The following DACH1 variants were observed in gnomAD, a reference collection of about 807,000 sequenced individuals.
The protein encoded by DACH1 is dachshund homolog 1.
DACH1 carries 12 observed loss-of-function variants against 54.2 expected under a neutral mutation model. That is an observed-to-expected ratio of 0.22 (90% confidence interval 0.14 to 0.36). The LOEUF is 0.36. Ranked by LOEUF, DACH1 falls within the 10% of genes least tolerant of loss-of-function variation. The probability of loss-of-function intolerance (pLI) is 1.00; values close to 1 mark genes in which losing one functional copy is unlikely to be tolerated. For synonymous variants in DACH1, 386 were observed against 366.2 expected, an observed-to-expected ratio of 1.05 and a Z score of -0.62; for missense variants, 805 against 929.8, an observed-to-expected ratio of 0.87 and a Z score of 1.75.
chr13:71,634,026 G>T (rs1877296733), intron 2 of DACH1, among the ~76,000 whole-genome samples: 1 of 149,378 alleles, frequency 6.7e-6, no homozygotes, highest in Non-Finnish European at 1.5e-5. Context: ...AGGCTGGAGT[G>T]CAATGGCGTG....
At chr13:71,590,554 A>G (rs368013607) in intron 3 of DACH1, among the ~76,000 whole-genome samples, 78 of 152,242 alleles carry the variant, frequency 5.1e-4, no homozygotes, top group African/African-American at 1.8e-3. Flanking sequence ...TGAAGGATAC[A>G]TTTTCATATT....
At chr13:71,737,541 T>C (rs1884193211) in intron 1 of DACH1, among the ~76,000 whole-genome samples, 1 of 152,206 alleles carries the variant, frequency 6.6e-6, no homozygotes, top group South Asian at 2.1e-4. Flanking sequence ...TGGAAATAGT[T>C]TGGAAACCAT....
intron 1 of DACH1, among the ~76,000 whole-genome samples, chr13:71,706,553 A>G (rs1225182622): frequency 1.3e-5 from 2 of 152,120 alleles, no homozygotes; most frequent in African/African-American, 4.8e-5. Context: ...CATTCTTTTC[A>G]AGCACTGGCT....
chr13:71,717,867 T>C (rs1018666920), intron 1 of DACH1, among the ~76,000 whole-genome samples: 1 of 151,830 alleles, frequency 6.6e-6, no homozygotes, highest in Non-Finnish European at 1.5e-5. Context: ...CAATATGGAA[T>C]TAGTAGTCCA....
intron 1 of DACH1, among the ~76,000 whole-genome samples, chr13:71,755,686 A>G (rs957388334): frequency 1.6e-4 from 25 of 152,212 alleles, no homozygotes; most frequent in Non-Finnish European, 2.1e-4. Context: ...TAGATCTTTA[A>G]GAACATGGGA....
chr13:71,618,811 A>T (rs1458138299), intron 3 of DACH1, among the ~76,000 whole-genome samples: 1 of 151,914 alleles, frequency 6.6e-6, no homozygotes, highest in East Asian at 1.9e-4. Flanking sequence ...TTTATTGATG[A>T]TCCCTGAATC....
intron 3 of DACH1, among the ~76,000 whole-genome samples, chr13:71,574,317 T>C (rs1230268809): frequency 6.6e-6 from 1 of 152,148 alleles, no homozygotes; most frequent in Non-Finnish European, 1.5e-5. Context: ...AATTTAACAT[T>C]AATTTATTCC....
intron 1 of DACH1, among the ~76,000 whole-genome samples, chr13:71,760,872 A>C (rs950452255): frequency 6.6e-6 from 1 of 152,144 alleles, no homozygotes; most frequent in Non-Finnish European, 1.5e-5. Context: ...ACATTCCACT[A>C]TAACTTTTCT....
rs146438762 is a variant in DACH1 at position 71,561,774 on chromosome 13, C to A, written c.1300-1819G>T. ...ATTTTAATATGGAACCAAGATTGAG[C>A]TGTACTTTTGTCACACTCTTTTAAT... On this transcript the variant is annotated intron_variant, in intron 4 of 10. Transcript: ENST00000613252. 2.0e-3 allele frequency among the ~76,000 whole-genome samples: 304 copies of A among 152,096 alleles called. 2 individuals are homozygous for A. Among genetic ancestry groups the A allele is most frequent in the African/African-American group, 6.9e-3 (285 of 41,520 alleles).
intron 1 of DACH1, among the ~76,000 whole-genome samples, chr13:71,763,722 T>C (rs563662282): frequency 6.6e-6 from 1 of 152,340 alleles, no homozygotes; most frequent in East Asian, 1.9e-4. Context: ...ACAGAAGATT[T>C]CATTTGCAAT....
intron 1 of DACH1, among the ~76,000 whole-genome samples, chr13:71,767,684 G>T (rs577716539): frequency 1.1e-3 from 160 of 152,138 alleles, no homozygotes; most frequent in African/African-American, 3.7e-3. Context: ...GTTATTTATG[G>T]CTCAGATGCA....
At chr13:71,837,097 G>A (rs536267744) in intron 1 of DACH1, among the ~76,000 whole-genome samples, 1 of 151,850 alleles carries the variant, frequency 6.6e-6, no homozygotes, top group Admixed American at 6.6e-5. Flanking sequence ...GATTAAGGGG[G>A]AAATGAAAAT....
chr13:71,653,505 A>C (rs2138629203), intron 2 of DACH1, among the ~76,000 whole-genome samples: 1 of 152,316 alleles, frequency 6.6e-6, no homozygotes, highest in Non-Finnish European at 1.5e-5. Flanking sequence ...CATGTCTCTA[A>C]GGCTTTTACC....
intron 2 of DACH1, among the ~76,000 whole-genome samples, chr13:71,664,142 C>A (rs2138659908): frequency 6.6e-6 from 1 of 152,078 alleles, no homozygotes; most frequent in Middle Eastern, 3.4e-3. Context: ...TACTTTCTCA[C>A]CACTAGAATT....
chr13:71,607,036 G>C (rs1874930186), intron 3 of DACH1, among the ~76,000 whole-genome samples: 3 of 151,928 alleles, frequency 2.0e-5, no homozygotes, highest in Admixed American at 6.6e-5. Context: ...TCTTTCAAAA[G>C]GTTTGTGGTT....
chr13:71,449,719 TA>T (rs1354062618), intron 10 of DACH1, among the ~76,000 whole-genome samples: 1 of 152,090 alleles, frequency 6.6e-6, no homozygotes, highest in Non-Finnish European at 1.5e-5. Context: ...AAAATTTTTT[TA>T]AAAAAGGCTG....
chr13:71,531,127 A>G (rs1168502090), intron 6 of DACH1, among the ~76,000 whole-genome samples: 1 of 152,166 alleles, frequency 6.6e-6, no homozygotes, highest in Non-Finnish European at 1.5e-5. Context: ...AACAACAGGA[A>G]TTCTGTCAAT....
At chr13:71,570,766 T>C (rs1009959632) in intron 4 of DACH1, among the ~76,000 whole-genome samples, 12 of 152,146 alleles carry the variant, frequency 7.9e-5, no homozygotes, top group African/African-American at 2.9e-4. Flanking sequence ...CACAGGAATG[T>C]TTCTGACTTC....
At chr13:71,605,346 T>C (rs1874795659) in intron 3 of DACH1, among the ~76,000 whole-genome samples, 1 of 151,822 alleles carries the variant, frequency 6.6e-6, no homozygotes, top group South Asian at 2.1e-4. Flanking sequence ...TGATATTATA[T>C]TTGAAAGAAA....
Sources: allele counts gnomAD v4.1 joint callset (sites outside exome capture counted in the v4.1 genomes callset), GRCh38; gene constraint gnomAD v4.1.1; transcripts MANE v1.5; gene names NCBI Gene and HGNC (gene_info 2026-07-23, HGNC 2026-07-21).